HEXB: variants seen among roughly 807,000 people sequenced by gnomAD.
HEXB encodes hexosaminidase subunit beta.
A neutral mutation model predicts 71.2 loss-of-function variants in HEXB; 51 were observed. The observed-to-expected ratio is 0.72, with a 90% CI of 0.57 to 0.90. The LOEUF (loss-of-function observed/expected upper bound fraction) is 0.90, where lower values mean the gene tolerates loss of function less well. Ranked by LOEUF, HEXB falls within the 40% of genes least tolerant of loss-of-function variation. The probability of loss-of-function intolerance (pLI) is 0.00; values close to 1 mark genes in which losing one functional copy is unlikely to be tolerated. For synonymous variants in HEXB, 266 were observed against 249.3 expected, an observed-to-expected ratio of 1.07 and a Z score of -0.63; for missense variants, 617 against 677.0, an observed-to-expected ratio of 0.91 and a Z score of 0.98.
chr5:74,691,269 C>T (rs572558471), intron 2 of HEXB, among the ~76,000 whole-genome samples: 1 of 152,222 alleles, frequency 6.6e-6, no homozygotes, highest in Admixed American at 6.5e-5. Context: ...GAGGAGGTGA[C>T]ACATGTTAAA....
intron 4 of HEXB, 40 bp downstream of exon 4, chr5:74,696,779 A>C (rs371095731): frequency 2.8e-6 from 3 of 1,085,294 alleles, no homozygotes; most frequent in Non-Finnish European, 4.3e-6. Context: ...ATTGTTAGAC[A>C]AATTGCTAAT....
intron 1 of HEXB, among the ~76,000 whole-genome samples, chr5:74,673,033 T>G (rs1445077939): frequency 6.6e-6 from 1 of 152,220 alleles, no homozygotes; most frequent in Non-Finnish European, 1.5e-5. Context: ...GTACTTGGTC[T>G]GCATTAACAG....
intron 11 of HEXB, among the ~76,000 whole-genome samples, chr5:74,719,475 T>A (rs1464113545): frequency 6.6e-6 from 1 of 152,150 alleles, no homozygotes; most frequent in Non-Finnish European, 1.5e-5. Flanking sequence ...TCAGATCCCC[T>A]TCATAAAAAA....
In HEXB at chr5:74,721,266, A is replaced by G; in HGVS notation, c.*91A>G. On this transcript the variant is annotated 3_prime_UTR_variant, in exon 14 of 14. Coordinates refer to ENST00000261416, the MANE Select transcript of HEXB (RefSeq NM_000521.4). ...AATAAGATATTAGACTGTTTTTTGAATAAAATATTTTTATTGATTGAACCT... is the reference window on the plus strand; with the variant it reads ...AATAAGATATTAGACTGTTTTTTGAGTAAAATATTTTTATTGATTGAACCT... 1 of 1,065,902 alleles carries G rather than the reference A, an allele frequency of 9.4e-7. No individual in the cohort carries two copies. Among genetic ancestry groups the G allele is most frequent in the South Asian group, 1.3e-5 (1 of 77,658 alleles). The allele number at this position is 1,065,902 out of a possible 1,614,324, so 66.0% of individuals were successfully genotyped here. A position where few individuals can be genotyped will look rare whatever the true frequency, so the allele number is the denominator to read the frequency against.
At chr5:74,700,091 C>T (rs1260720743) in intron 5 of HEXB, among the ~76,000 whole-genome samples, 1 of 133,094 alleles carries the variant, frequency 7.5e-6, no homozygotes, top group African/African-American at 2.8e-5. Flanking sequence ...ACTGTAATCT[C>T]TGCCTCCTGG....
chr5:74,691,164 TTTTAGTC>T (rs1238592557), intron 2 of HEXB, among the ~76,000 whole-genome samples: 2 of 152,200 alleles, frequency 1.3e-5, no homozygotes, highest in Non-Finnish European at 2.9e-5. Context: ...ATAAACTAGT[TTTTAGTC>T]TTTAAACTAG....
intron 7 of HEXB, among the ~76,000 whole-genome samples, chr5:74,715,051 C>G (rs1477027615): frequency 1.3e-5 from 2 of 152,250 alleles, no homozygotes; most frequent in South Asian, 4.1e-4. Context: ...AACTGATGGA[C>G]TCCAGGAGAG....
chr5:74,677,693 T>C (rs959430787), intron 1 of HEXB, among the ~76,000 whole-genome samples: 1 of 152,070 alleles, frequency 6.6e-6, no homozygotes, highest in African/African-American at 2.4e-5. Context: ...TTAAGTCTTT[T>C]TTTATTATTA....
Position 74,720,759 on chromosome 5 carries a change from A to G in HEXB, c.1613+12A>G. ...TGCAGGATGGTCGAGTAAGAAATCT[A>G]TTAAGTCCAGTGTGATTTTTAACCT... On this transcript the variant is annotated intron_variant, in intron 13 of 13. Transcript: ENST00000261416. The G allele has an allele frequency of 6.3e-7, 1 of 1,594,654 alleles. No homozygotes were observed. Among genetic ancestry groups the G allele is most frequent in the Non-Finnish European group, 8.6e-7 (1 of 1,162,304 alleles).
chr5:74,679,825 A>AAAAAAAAAAAG (rs1748705828), intron 1 of HEXB, among the ~76,000 whole-genome samples: 1 of 119,194 alleles, frequency 8.4e-6, no homozygotes, highest in Non-Finnish European at 2.0e-5. Flanking sequence ...AAAAAAAAAA[A>AAAAAAAAAAAG]GTATGGCTTT....
chr5:74,695,597 T>G, intron 3 of HEXB, among the ~76,000 whole-genome samples: 1 of 150,402 alleles, frequency 6.6e-6, no homozygotes, highest in South Asian at 2.1e-4. Flanking sequence ...TCCCAGCACT[T>G]TGGGAGGCCG....
At chr5:74,680,668 G>T (rs1381494679), upstream of HEXB, among the ~76,000 whole-genome samples, 1 of 152,206 alleles carries the variant, frequency 6.6e-6, no homozygotes, top group Admixed American at 6.5e-5. Flanking sequence ...CCCCTTGAAT[G>T]TGGGAAAAAT....
intron 1 of HEXB, among the ~76,000 whole-genome samples, chr5:74,659,899 T>C (rs1748288201): frequency 6.6e-6 from 1 of 152,080 alleles, no homozygotes; most frequent in Non-Finnish European, 1.5e-5. Context: ...ACTCTTAGCG[T>C]AGAAATAATG....
At chr5:74,666,834 A>T (rs1748440564) in intron 1 of HEXB, among the ~76,000 whole-genome samples, 1 of 152,178 alleles carries the variant, frequency 6.6e-6, no homozygotes, top group South Asian at 2.1e-4. Context: ...ATATAGAGAG[A>T]GAGAACACAC....
chr5:74,684,188 C>A (rs1340549961), upstream of HEXB, among the ~76,000 whole-genome samples: 1 of 152,206 alleles, frequency 6.6e-6, no homozygotes. Flanking sequence ...ACTTATATAG[C>A]AGATCTGTGG....
intron 2 of HEXB, among the ~76,000 whole-genome samples, chr5:74,691,443 T>C (rs1417799745): frequency 6.6e-6 from 1 of 152,224 alleles, no homozygotes; most frequent in African/African-American, 2.4e-5. Flanking sequence ...AATGGCTAAA[T>C]ACATCTTGTC....
intron 6 of HEXB, among the ~76,000 whole-genome samples, chr5:74,712,286 T>TG (rs1394753742): frequency 1.7e-4 from 9 of 53,688 alleles, no homozygotes; most frequent in African/African-American, 3.9e-4. Flanking sequence ...TGTTGTGGGG[T>TG]GGGGGAGGGG....
At chr5:74,643,313 C>T (rs1284584900) in intron 1 of HEXB, among the ~76,000 whole-genome samples, 1 of 152,184 alleles carries the variant, frequency 6.6e-6, no homozygotes, top group Non-Finnish European at 1.5e-5. Flanking sequence ...TCTTATCACC[C>T]CACTCACACA....
chr5:74,657,893 T>C (rs1223068115), intron 1 of HEXB, among the ~76,000 whole-genome samples: 2 of 152,212 alleles, frequency 1.3e-5, no homozygotes, highest in Non-Finnish European at 2.9e-5. Context: ...TTGTTGTATA[T>C]GAAGTCCGGG....
Sources: gnomAD v4.1 joint callset for allele counts (sites outside exome capture counted in the v4.1 genomes callset) on GRCh38, gnomAD v4.1.1 for gene constraint, MANE v1.5 for transcripts, NCBI Gene and HGNC (gene_info 2026-07-23, HGNC 2026-07-21) for gene names.